BLMH: variants seen among roughly 807,000 people sequenced by gnomAD.
The protein encoded by BLMH is bleomycin hydrolase.
BLMH carries 32 observed loss-of-function variants against 61.6 expected under a neutral mutation model. That is an observed-to-expected ratio of 0.52 (90% CI 0.39 to 0.70). BLMH has a LOEUF of 0.70. Ranked by LOEUF, BLMH falls within the 30% of genes least tolerant of loss-of-function variation. The probability of loss-of-function intolerance (pLI) is 0.00; values close to 1 mark genes in which losing one functional copy is unlikely to be tolerated. For missense variants in BLMH, 460 were observed against 555.5 expected (o/e 0.83, Z 1.73); for synonymous variants, 183 against 193.8 (o/e 0.94, Z 0.46).
At chr17:30,256,722 TG>T (rs1333786614) in intron 11 of BLMH, among the ~76,000 whole-genome samples, 2 of 134,758 alleles carry the variant, frequency 1.5e-5, no homozygotes, top group East Asian at 2.2e-4. Flanking sequence ...GCTATTATAA[TG>T]AAAAAAAAAA....
At chr17:30,291,263 C>T (rs1488105860) in intron 2 of BLMH, 48 bp downstream of exon 2, 1 of 1,578,620 alleles carries the variant, frequency 6.3e-7, no homozygotes, top group South Asian at 1.1e-5. Context: ...CAAAATGGGA[C>T]GCTGTCAGGA....
intron 10 of BLMH, among the ~76,000 whole-genome samples, chr17:30,267,568 A>AC (rs919156422): frequency 3.7e-4 from 56 of 152,190 alleles, no homozygotes; most frequent in African/African-American, 1.3e-3. Flanking sequence ...AAGTAAAAAG[A>AC]CCATTTTCAT....
At chr17:30,280,838 T>C (rs1453465398) in intron 6 of BLMH, among the ~76,000 whole-genome samples, 4 of 152,092 alleles carry the variant, frequency 2.6e-5, no homozygotes, top group Non-Finnish European at 4.4e-5. Context: ...AAACGACCTA[T>C]TGATCAAAGA....
rs1908359767 is a variant in BLMH at position 30,274,286 on chromosome 17, CAAG to C, written c.646-92_646-90del. 3 of 1,433,840 alleles carry C rather than the reference CAAG, an allele frequency of 2.1e-6. No individual in the cohort carries two copies. The Admixed American group carries it at 7.2e-5, about 34-fold the overall frequency. 88.8% of individuals were successfully genotyped at this position (1,433,840 alleles called of 1,614,324 possible). A position where few individuals can be genotyped will look rare whatever the true frequency, so the allele number is the denominator to read the frequency against. ...TCATTTTCCTTAAGCTTAGGAAACACAAGAAGTTAGTGGCTAAATTCAAGCTAA... is the reference window on the plus strand; with the variant it reads ...TCATTTTCCTTAAGCTTAGGAAACACAAGTTAGTGGCTAAATTCAAGCTAA... On this transcript the variant is annotated intron_variant, in intron 6 of 11. Coordinates refer to ENST00000261714, the MANE Select transcript of BLMH (RefSeq NM_000386.4).
At chr17:30,249,447 G>A (rs1434799928) in intron 11 of BLMH, 1 of 387,734 alleles carries the variant, frequency 2.6e-6, no homozygotes, top group Non-Finnish European at 4.8e-6. Context: ...TGGACCTAAG[G>A]CTAACACCAG....
Position 30,286,869 on chromosome 17 carries a change from G to A in BLMH, c.497C>T (p.Pro166Leu). The A allele has an allele frequency of 3.1e-6, 5 of 1,595,618 alleles. No homozygotes were observed. Among genetic ancestry groups the A allele is most frequent in the Non-Finnish European group, 4.3e-6 (5 of 1,163,612 alleles). Residue 166 changes from proline (P) to leucine (L), a missense_variant, in exon 5 of 12, where the codon CCT becomes CTT. Transcript: ENST00000261714. The part of the protein sequence containing the change: ...KYGVIPKKCF[P>L]ESYTTEATRR... Reference sequence around the variant, plus strand: ...GGTTGCCTCTGTTGTATAAGATTCAGGGAAGCATTTCTTAGGGATAACACC... The same window carrying A: ...GGTTGCCTCTGTTGTATAAGATTCAAGGAAGCATTTCTTAGGGATAACACC...
chr17:30,286,905 A>G lies in BLMH; in HGVS notation c.464-3T>C. ...CTTAGGGATAACACCATATTTTTCT[A>G]AAAGAAAACAAATTCTAGTGTTAAA... On this transcript the variant is annotated splice_region_variant and splice_polypyrimidine_tract_variant and intron_variant, in intron 4 of 11. Coordinates refer to ENST00000261714, the MANE Select transcript of BLMH (RefSeq NM_000386.4). The G allele has an allele frequency of 6.5e-7, 1 of 1,547,892 alleles. No individual in the cohort carries two copies. The highest frequency in any genetic ancestry group is 8.9e-7 in the Non-Finnish European group (1 of 1,124,970).
intron 6 of BLMH, among the ~76,000 whole-genome samples, chr17:30,275,411 A>G (rs112752179): frequency 0.084 from 12,802 of 152,262 alleles, 834 homozygotes; most frequent in African/African-American, 0.17. Context: ...CTGTAATCCC[A>G]GCACTTTGGG....
chr17:30,287,833 G>A lies in BLMH; in HGVS notation c.436C>T (p.Gln146Ter), dbSNP rs367865064. ...ACAATATTAACAAGCATATCCCATT[G>A]GCCACCATCATTTGCAGGGTTCATA... Reference protein sequence around the residue: ...LLMNPANDGGQWDMLVNIVEK... With the variant: ...LLMNPANDGG Residue 146 changes from glutamine to a stop codon, truncating the protein, a stop_gained, in exon 4 of 12, where the codon CAA (glutamine) becomes TAA (stop). Coordinates refer to ENST00000261714, the MANE Select transcript of BLMH (RefSeq NM_000386.4). LOFTEE classifies it high-confidence loss of function. The A allele has an allele frequency of 6.2e-7, 1 of 1,613,894 alleles. No homozygotes were observed. Among genetic ancestry groups the A allele is most frequent in the Non-Finnish European group, 8.5e-7 (1 of 1,179,974 alleles).
chr17:30,248,687 C>T lies in BLMH; in HGVS notation c.*330G>A, dbSNP rs1267966052. ...CATACACCTCAATCGCTCGTCCTCT[C>T]GTCTTATTAAAACACAGACACAGAA... On this transcript the variant is annotated 3_prime_UTR_variant, in exon 12 of 12. Coordinates refer to ENST00000261714, the MANE Select transcript of BLMH (RefSeq NM_000386.4). The T allele has an allele frequency of 1.5e-5, 4 of 262,710 alleles. No homozygotes were observed. Among genetic ancestry groups the T allele is most frequent in the Middle Eastern group, 1.3e-3 (1 of 762 alleles). The allele number at this position is 262,710 out of a possible 1,614,324, so 16.3% of individuals were successfully genotyped here. A position where few individuals can be genotyped will look rare whatever the true frequency, so the allele number is the denominator to read the frequency against.
At chr17:30,286,174 A>G (rs1252550246) in intron 5 of BLMH, among the ~76,000 whole-genome samples, 1 of 152,160 alleles carries the variant, frequency 6.6e-6, no homozygotes, top group Non-Finnish European at 1.5e-5. Flanking sequence ...GAAAAATCCA[A>G]TTTCAGCCTC....
intron 2 of BLMH, among the ~76,000 whole-genome samples, chr17:30,289,903 T>C (rs1162168695): frequency 6.6e-6 from 1 of 152,174 alleles, no homozygotes; most frequent in Non-Finnish European, 1.5e-5. Context: ...TGAAAATATG[T>C]TTATAATATA....
In BLMH at chr17:30,275,621, G is replaced by C. The variant is rs890309566; in HGVS notation, c.646-1424C>G. On this transcript the variant is annotated intron_variant, in intron 6 of 11. Coordinates refer to ENST00000261714, the MANE Select transcript of BLMH (RefSeq NM_000386.4). ...GAATCCCTTGAACCCAGGAGGCAGA[G>C]GTTGCAGTGAGCCGAGATCATGCCA... Among the ~76,000 whole-genome samples, 4 of 152,138 alleles carry C rather than the reference G, an allele frequency of 2.6e-5. No individual in the cohort carries two copies. In the East Asian group the frequency reaches 7.7e-4, roughly 29 times the overall value.
At chr17:30,265,776 T>C (rs1908086391) in intron 11 of BLMH, among the ~76,000 whole-genome samples, 1 of 152,202 alleles carries the variant, frequency 6.6e-6, no homozygotes, top group South Asian at 2.1e-4. Context: ...CACATGAATC[T>C]ACATGCTCAC....
intron 11 of BLMH, among the ~76,000 whole-genome samples, chr17:30,266,358 T>A (rs1263412793): frequency 6.6e-6 from 1 of 151,572 alleles, no homozygotes; most frequent in African/African-American, 2.4e-5. Flanking sequence ...AAACCCCGTC[T>A]CTACTAAAAA....
intron 1 of BLMH, 48 bp from the exon 2 acceptor site, chr17:30,291,556 G>C (rs1162474477): frequency 6.3e-7 from 1 of 1,598,210 alleles, no homozygotes; most frequent in Non-Finnish European, 8.6e-7. Flanking sequence ...GGGGGAAAGG[G>C]CTGATCTGGG....
intron 11 of BLMH, among the ~76,000 whole-genome samples, chr17:30,258,267 A>AT (rs1907868917): frequency 6.6e-6 from 1 of 151,848 alleles, no homozygotes; most frequent in African/African-American, 2.4e-5. Context: ...ACCCCTTATA[A>AT]TTATGACTGC....
chr17:30,259,744 G>A (rs1020561884), intron 11 of BLMH, among the ~76,000 whole-genome samples: 2 of 152,044 alleles, frequency 1.3e-5, no homozygotes, highest in Admixed American at 6.6e-5. Flanking sequence ...GCCTATGCAC[G>A]GTTCCTTGCA....
At chr17:30,267,754 T>C (rs1158918205) in intron 10 of BLMH, among the ~76,000 whole-genome samples, 1 of 152,102 alleles carries the variant, frequency 6.6e-6, no homozygotes, top group Non-Finnish European at 1.5e-5. Context: ...GAAAAGACTT[T>C]TTTCTTTCAT....
Sources: gnomAD v4.1 joint callset for allele counts (sites outside exome capture counted in the v4.1 genomes callset) on GRCh38, gnomAD v4.1.1 for gene constraint, MANE v1.5 for transcripts, NCBI Gene and HGNC (gene_info 2026-07-23, HGNC 2026-07-21) for gene names.